The following MORC3 variants were observed in gnomAD, a reference collection of about 807,000 sequenced individuals.
MORC3 encodes MORC family CW-type zinc finger protein 3.
Under a neutral mutation model 109.1 loss-of-function variants are expected in MORC3, and 31 were observed. The ratio of observed to expected loss-of-function variants is 0.28; its 90% CI spans 0.21 to 0.38. MORC3 has a LOEUF of 0.38. Ranked by LOEUF, MORC3 falls within the 10% of genes least tolerant of loss-of-function variation. MORC3 has a pLI of 1.00. For missense variants in MORC3, 867 were observed against 1,135.8 expected (o/e 0.76, Z 3.40); for synonymous variants, 395 against 380.7 (o/e 1.04, Z -0.44).
At chr21:36,348,713 G>C (rs1184255118) in intron 8 of MORC3, among the ~76,000 whole-genome samples, 5 of 152,150 alleles carry the variant, frequency 3.3e-5, no homozygotes, top group Admixed American at 2.6e-4. Flanking sequence ...CTGGCAGGTA[G>C]TCCTTTTTCT....
intron 2 of MORC3, among the ~76,000 whole-genome samples, chr21:36,335,128 GGAAAAGAAAAA>G (rs1201097725): frequency 1.3e-5 from 2 of 151,424 alleles, no homozygotes; most frequent in African/African-American, 4.9e-5. Flanking sequence ...CCAGAAAAAA[GGAAAAGAAAAA>G]GAAAAGAAAA....
chr21:36,350,820 G>C (rs1232415780), intron 9 of MORC3, among the ~76,000 whole-genome samples: 1 of 151,926 alleles, frequency 6.6e-6, no homozygotes, highest in Admixed American at 6.6e-5. Flanking sequence ...AGGAAGAAGT[G>C]GCATCAGTCT....
chr21:36,322,563 A>G (rs2085205458), intron 1 of MORC3, among the ~76,000 whole-genome samples: 1 of 151,890 alleles, frequency 6.6e-6, no homozygotes, highest in East Asian at 1.9e-4. Flanking sequence ...GTATATATAG[A>G]GTTTCACCAT....
intron 15 of MORC3, among the ~76,000 whole-genome samples, chr21:36,370,639 ATTTTTTTTT>A (rs869169013): frequency 5.3e-4 from 20 of 37,562 alleles, no homozygotes; most frequent in East Asian, 3.2e-3. Flanking sequence ...ATATATATAT[ATTTTTTTTT>A]TTTTTTTTTT....
At chr21:36,349,533 T>A in intron 9 of MORC3, 125 bp downstream of exon 9, 1 of 540,100 alleles carries the variant, frequency 1.9e-6, no homozygotes, top group Non-Finnish European at 3.1e-6. Context: ...TTGAATATAC[T>A]ACTTGTGATG....
intron 2 of MORC3, among the ~76,000 whole-genome samples, chr21:36,335,048 C>T (rs1391172066): frequency 2.0e-5 from 3 of 152,044 alleles, no homozygotes; most frequent in Admixed American, 6.6e-5. Flanking sequence ...GAGGATCACT[C>T]GAGCCAGGGA....
At position 36,359,903 on chromosome 21, in the gene MORC3, G is replaced by T; in HGVS notation, c.1209-52G>T. The T allele has an allele frequency of 3.1e-6, 5 of 1,599,540 alleles. No homozygotes were observed. The South Asian group carries it at 5.5e-5, about 18-fold the overall frequency. ...GAAATGATGTGGAACATCTGATGAA[G>T]TATTTAGAGTCCATATTTCTGTGTT... On this transcript the variant is annotated intron_variant, in intron 10 of 16. Transcript: ENST00000400485.
intron 12 of MORC3, among the ~76,000 whole-genome samples, chr21:36,361,473 G>T (rs1403539827): frequency 6.8e-6 from 1 of 147,054 alleles, no homozygotes; most frequent in Non-Finnish European, 1.5e-5. Context: ...CACCCAGGAG[G>T]CAGAGATTGT....
intron 6 of MORC3, among the ~76,000 whole-genome samples, chr21:36,344,077 A>T (rs2085481654): frequency 6.6e-6 from 1 of 152,078 alleles, no homozygotes; most frequent in Non-Finnish European, 1.5e-5. Context: ...CTTCTTTTGA[A>T]ATCAAGAGTC....
At chr21:36,370,194 CG>C (rs2085839438) in intron 15 of MORC3, among the ~76,000 whole-genome samples, 1 of 152,104 alleles carries the variant, frequency 6.6e-6, no homozygotes, top group Non-Finnish European at 1.5e-5. Context: ...GGCAACAGAG[CG>C]AGACTCTGTC....
intron 14 of MORC3, among the ~76,000 whole-genome samples, chr21:36,366,108 T>TG (rs2085778346): frequency 6.6e-6 from 1 of 152,160 alleles, no homozygotes; most frequent in Non-Finnish European, 1.5e-5. Context: ...TCCTGAGGTT[T>TG]GGGGTATGAA....
chr21:36,368,366 G>A (rs2085804708), intron 14 of MORC3, among the ~76,000 whole-genome samples: 1 of 152,006 alleles, frequency 6.6e-6, no homozygotes, highest in Admixed American at 6.6e-5. Context: ...GGCCGGGGTG[G>A]GTAGCATTCT....
At chr21:36,350,542 CAAA>C (rs34750900) in intron 9 of MORC3, among the ~76,000 whole-genome samples, 3,406 of 116,274 alleles carry the variant, frequency 0.029, 55 homozygotes, top group Admixed American at 0.053. Flanking sequence ...CACCCTGCCT[CAAA>C]AAAAAAAAAA....
At chr21:36,320,429 C>G in intron 1 of MORC3, 126 bp downstream of exon 1, 2 of 955,178 alleles carry the variant, frequency 2.1e-6, no homozygotes, top group Non-Finnish European at 2.7e-6. Flanking sequence ...CGGCGGGGCC[C>G]GGGGAGGGGG....
intron 10 of MORC3, 45 bp from the exon 11 acceptor site, chr21:36,359,910 G>A: frequency 6.2e-7 from 1 of 1,606,472 alleles, no homozygotes; most frequent in Non-Finnish European, 8.5e-7. Context: ...GAAGTATTTA[G>A]AGTCCATATT....
chr21:36,374,607 A>G (rs1010977735), intron 16 of MORC3, among the ~76,000 whole-genome samples: 1 of 152,144 alleles, frequency 6.6e-6, no homozygotes, highest in African/African-American at 2.4e-5. Flanking sequence ...CCTGGGCAAT[A>G]TAGTGAAACC....
In MORC3 at chr21:36,333,766, T is replaced by G. The variant is rs1019677855; in HGVS notation, c.112+48T>G. 4.8e-4 allele frequency: 655 copies of G among 1,374,784 alleles called. 2 individuals carry two copies. Among genetic ancestry groups the G allele is most frequent in the Non-Finnish European group, 9.4e-5 (93 of 992,706 alleles). The allele number at this position is 1,374,784 out of a possible 1,614,324, so 85.2% of individuals were successfully genotyped here. Reference sequence around the variant, plus strand: ...TACCATTTGTTGCTTACAATTGTAGTGTTTTTTTTTTTGTTTTGTTTTGTT... The same window carrying G: ...TACCATTTGTTGCTTACAATTGTAGGGTTTTTTTTTTTGTTTTGTTTTGTT... On this transcript the variant is annotated intron_variant, in intron 2 of 16. Coordinates refer to ENST00000400485, the MANE Select transcript of MORC3 (RefSeq NM_015358.3).
chr21:36,337,120 G>C, intron 3 of MORC3, 114 bp downstream of exon 3: 1 of 1,218,418 alleles, frequency 8.2e-7, no homozygotes, highest in South Asian at 1.6e-5. Flanking sequence ...TGTATGTACA[G>C]TGTGAGCTGT....
intron 14 of MORC3, among the ~76,000 whole-genome samples, chr21:36,365,131 C>G (rs1021170789): frequency 1.3e-5 from 2 of 150,842 alleles, no homozygotes; most frequent in African/African-American, 4.9e-5. Context: ...AAGCCTATGG[C>G]ACACTGTAGG....
Sources: gnomAD v4.1 joint callset for allele counts (sites outside exome capture counted in the v4.1 genomes callset) on GRCh38, gnomAD v4.1.1 for gene constraint, MANE v1.5 for transcripts, NCBI Gene and HGNC (gene_info 2026-07-23, HGNC 2026-07-21) for gene names.